Variants in C10orf53 observed in about 807,000 individuals in gnomAD.
C10orf53 encodes chromosome 10 open reading frame 53.
Under a neutral mutation model 9.4 loss-of-function variants are expected in C10orf53, and 8 were observed. That is an observed-to-expected ratio of 0.85 (90% CI 0.50 to 1.53). C10orf53 has a LOEUF of 1.53. C10orf53 is among the 40% of genes most tolerant of loss of function. The pLI is 0.00. For missense variants in C10orf53, 117 were observed against 117.8 expected, an observed-to-expected ratio of 0.99 and a Z score of 0.03; for synonymous variants, 48 against 46.0, an observed-to-expected ratio of 1.04 and a Z score of -0.18.
At chr10:49,683,775 A>T (rs1840502008) in intron 1 of C10orf53, among the ~76,000 whole-genome samples, 1 of 152,170 alleles carries the variant, frequency 6.6e-6, no homozygotes, top group African/African-American at 2.4e-5. Flanking sequence ...ACGCACCTGT[A>T]GTCCCAGCTA....
At chr10:49,694,441 T>A in intron 2 of C10orf53, 97 bp from the exon 3 acceptor site, 1 of 1,523,664 alleles carries the variant, frequency 6.6e-7, no homozygotes, top group Non-Finnish European at 9.0e-7. Flanking sequence ...CCCATGGCCT[T>A]TGAAAATGCA....
chr10:49,704,594 A>T (rs1010360844), intron 2 of C10orf53, among the ~76,000 whole-genome samples: 4 of 152,070 alleles, frequency 2.6e-5, no homozygotes, highest in African/African-American at 9.7e-5. Context: ...TACCAAAAAA[A>T]TTAGCTAGGC....
At chr10:49,694,495 G>C (rs1007756048) in intron 2 of C10orf53, 43 bp from the exon 3 acceptor site, 4 of 1,611,858 alleles carry the variant, frequency 2.5e-6, no homozygotes, top group Non-Finnish European at 3.4e-6. Flanking sequence ...ATAACAAATT[G>C]TATATAAAGC....
At chr10:49,689,886 A>G (rs1840565649) in intron 1 of C10orf53, among the ~76,000 whole-genome samples, 1 of 152,244 alleles carries the variant, frequency 6.6e-6, no homozygotes, top group South Asian at 2.1e-4. Context: ...CATTACATTG[A>G]TAACTTGATT....
chr10:49,698,270 A>G (rs1451486288), downstream of C10orf53, among the ~76,000 whole-genome samples: 3 of 152,204 alleles, frequency 2.0e-5, no homozygotes, highest in African/African-American at 7.2e-5. Flanking sequence ...AGCCTGGGTG[A>G]CAGTGAGACC....
rs1166118842 is a variant in C10orf53 at position 49,694,802 on chromosome 10, C to T, written c.*200C>T. 7.2e-7 allele frequency: 1 copy of T among 1,393,750 alleles called. No individual in the cohort carries two copies. Among genetic ancestry groups the T allele is most frequent in the Non-Finnish European group, 9.3e-7 (1 of 1,076,840 alleles). 86.3% of individuals were successfully genotyped at this position (1,393,750 alleles called of 1,614,324 possible). A position where few individuals can be genotyped will look rare whatever the true frequency, so the allele number is the denominator to read the frequency against. Reference sequence around the variant, plus strand: ...CAGGAGCCCACAGAAATAATAAAAACCACATCATTTATAACATGTCTCAAT... The same window carrying T: ...CAGGAGCCCACAGAAATAATAAAAATCACATCATTTATAACATGTCTCAAT... On this transcript the variant is annotated 3_prime_UTR_variant, in exon 3 of 3. Transcript: ENST00000374111.
intron 1 of C10orf53, among the ~76,000 whole-genome samples, chr10:49,686,976 G>C (rs1840535119): frequency 6.6e-6 from 1 of 152,190 alleles, no homozygotes; most frequent in Non-Finnish European, 1.5e-5. Context: ...CTGCCACCAG[G>C]TCAGAGAAAA....
At chr10:49,703,049 G>T (rs1270006326) in intron 2 of C10orf53, among the ~76,000 whole-genome samples, 1 of 152,020 alleles carries the variant, frequency 6.6e-6, no homozygotes, top group Non-Finnish European at 1.5e-5. Context: ...GGGGAGGGGG[G>T]TCGCCGGGGG....
downstream of C10orf53, among the ~76,000 whole-genome samples, chr10:49,701,935 C>T (rs1030965145): frequency 1.3e-5 from 2 of 152,172 alleles, no homozygotes; most frequent in African/African-American, 4.8e-5. Context: ...GGCGTGGTGG[C>T]TCACACCTGT....
At chr10:49,710,252 T>A (rs949820614) in exon 3 of C10orf53, 2 of 152,092 alleles carry the variant, frequency 1.3e-5, no homozygotes, top group Non-Finnish European at 2.9e-5. Flanking sequence ...ATAAAACATG[T>A]TGGAAAATGT....
intron 1 of C10orf53, among the ~76,000 whole-genome samples, chr10:49,689,272 C>T (rs755121157): frequency 6.6e-6 from 1 of 152,034 alleles, no homozygotes; most frequent in Admixed American, 6.5e-5. Flanking sequence ...GAACTGGAGG[C>T]ATAAGGGGGC....
At chr10:49,682,795 C>T (rs1028999125) in intron 1 of C10orf53, among the ~76,000 whole-genome samples, 2 of 151,638 alleles carry the variant, frequency 1.3e-5, no homozygotes, top group African/African-American at 4.9e-5. Context: ...CCACCCGACC[C>T]AGAAGCCCAG....
At chr10:49,702,460 A>G (rs1388093334), downstream of C10orf53, among the ~76,000 whole-genome samples, 1 of 152,140 alleles carries the variant, frequency 6.6e-6, no homozygotes, top group African/African-American at 2.4e-5. Context: ...TCCAGCCCAT[A>G]CCTCATCCAA....
chr10:49,707,132 C>T lies in C10orf53; in HGVS notation c.218-1229C>T, dbSNP rs560593233. Among the ~76,000 whole-genome samples the T allele has an allele frequency of 5.0e-5, 7 of 141,372 alleles. No individual in the cohort carries two copies. The South Asian group carries it at 1.6e-3, about 33-fold the overall frequency. The allele number at this position is 141,372 out of a possible 152,430, so 92.7% of individuals were successfully genotyped here. A position where few individuals can be genotyped will look rare whatever the true frequency, so the allele number is the denominator to read the frequency against. The stretch of plus-strand genomic sequence containing the variant: ...CAATGATCTAGCCTTGGTCACCTGC[C>T]TCACATGGACCATCTCAGATGTAAC... On this transcript the variant is annotated intron_variant, in intron 2 of 2. Coordinates refer to the C10orf53 transcript ENST00000374112.
intron 2 of C10orf53, among the ~76,000 whole-genome samples, chr10:49,708,080 G>A (rs1840735068): frequency 6.6e-6 from 1 of 152,030 alleles, no homozygotes; most frequent in Non-Finnish European, 1.5e-5. Context: ...ACACTCTATT[G>A]TCATATCCAC....
At position 49,679,656 on chromosome 10, in the gene C10orf53, C is replaced by T; in HGVS notation, c.-42C>T. The T allele has an allele frequency of 4.6e-6, 7 of 1,536,472 alleles. No homozygotes were observed. Among genetic ancestry groups the T allele is most frequent in the South Asian group, 1.2e-5 (1 of 83,106 alleles). On this transcript the variant is annotated 5_prime_UTR_variant, in exon 1 of 3. Transcript: ENST00000374111. The stretch of plus-strand genomic sequence containing the variant: ...GGCCGGAAGAGAGGTTGCTTAGCAG[C>T]GTGTGTTTCTCCCTTGCCTCTGCGG...
chr10:49,681,963 T>G (rs1840483024), intron 1 of C10orf53, among the ~76,000 whole-genome samples: 1 of 152,186 alleles, frequency 6.6e-6, no homozygotes, highest in South Asian at 2.1e-4. Context: ...TAAAATGTTT[T>G]GTAGTTTTGG....
Position 49,679,712 on chromosome 10 carries a change from A to G in C10orf53, c.15A>G (p.Ala5=). The G allele has an allele frequency of 4.5e-6, 7 of 1,548,056 alleles. No individual in the cohort carries two copies. The highest frequency in any genetic ancestry group is 5.2e-6 in the Non-Finnish European group (6 of 1,145,842). The part of the protein sequence containing the change: MPKN[A]VVILRYGPYS... ...GAGGCCTGGCGATGCCCAAGAACGCAGTGGTCATCCTGCGCTATGGGCCCT... is the reference window on the plus strand; with the variant it reads ...GAGGCCTGGCGATGCCCAAGAACGCGGTGGTCATCCTGCGCTATGGGCCCT... The change falls in exon 1 of 3, where the codon GCA becomes GCG. Residue 5 remains alanine, a synonymous_variant. Coordinates refer to ENST00000374111, the MANE Select transcript of C10orf53 (RefSeq NM_001042427.3).
At chr10:49,684,643 C>T (rs1840510468) in intron 1 of C10orf53, among the ~76,000 whole-genome samples, 1 of 152,066 alleles carries the variant, frequency 6.6e-6, no homozygotes, top group African/African-American at 2.4e-5. Context: ...TCTTTATCTC[C>T]TTTTCAGATC....
Sources: gnomAD v4.1 joint callset for allele counts (sites outside exome capture counted in the v4.1 genomes callset) on GRCh38, gnomAD v4.1.1 for gene constraint, MANE v1.5 for transcripts, NCBI Gene and HGNC (gene_info 2026-07-23, HGNC 2026-07-21) for gene names.